The following MBD5 variants were observed in gnomAD, a reference collection of about 807,000 sequenced individuals.
MBD5 encodes methyl-CpG binding domain protein 5, also known as methyl-CpG-binding domain protein 5.
A neutral mutation model predicts 117.3 loss-of-function variants in MBD5; 13 were observed. The ratio of observed to expected loss-of-function variants is 0.11; its 90% CI spans 0.07 to 0.18. The LOEUF is 0.18. MBD5 is among the 10% of genes least tolerant of loss of function. MBD5 has a pLI of 1.00. For missense variants in MBD5, 1,879 were observed against 2,093.8 expected, an observed-to-expected ratio of 0.90 and a Z score of 2.00; for synonymous variants, 727 against 766.4, an observed-to-expected ratio of 0.95 and a Z score of 0.85.
At chr2:148,331,855 G>C (rs1239326973) in intron 3 of MBD5, among the ~76,000 whole-genome samples, 1 of 151,914 alleles carries the variant, frequency 6.6e-6, no homozygotes, top group Non-Finnish European at 1.5e-5. Flanking sequence ...TTACTTCTTA[G>C]TAAAAATAAT....
chr2:148,163,393 A>G (rs570489842), intron 1 of MBD5, among the ~76,000 whole-genome samples: 26 of 152,224 alleles, frequency 1.7e-4, no homozygotes, highest in African/African-American at 5.1e-4. Context: ...ATCAGAGCAT[A>G]CTATCCATAA....
At chr2:148,388,596 C>T (rs547361140) in intron 4 of MBD5, among the ~76,000 whole-genome samples, 38 of 152,192 alleles carry the variant, frequency 2.5e-4, no homozygotes, top group African/African-American at 9.1e-4. Context: ...GCTTAAACAA[C>T]AAATATTTTA....
intron 4 of MBD5, chr2:148,346,256 AT>A: frequency 6.6e-6 from 1 of 152,288 alleles, no homozygotes; most frequent in African/African-American, 2.4e-5. Flanking sequence ...TAAAAGGGAA[AT>A]TTTTTAAATG....
At chr2:148,066,533 C>T (rs1695200325) in intron 1 of MBD5, among the ~76,000 whole-genome samples, 1 of 149,158 alleles carries the variant, frequency 6.7e-6, no homozygotes, top group African/African-American at 2.5e-5. Flanking sequence ...GTCACCCAGG[C>T]TGGAGTGCAA....
Position 148,469,542 on chromosome 2 carries a change from A to T in MBD5, c.1599A>T (p.Leu533=). The change falls in exon 8 of 14, where the codon CTA becomes CTT. Residue 533 remains leucine (L), a synonymous_variant. Coordinates refer to ENST00000642680, the MANE Select transcript of MBD5 (RefSeq NM_001378120.1). ...TAATTGCTGGAATAAGTAATGTACT[A>T]AATACCCCAAGCAGTGCAGCTTTTC... ...NPLIAGISNV[L]NTPSSAAFPT... The T allele has an allele frequency of 1.9e-6, 3 of 1,613,834 alleles. No homozygotes were observed. Among genetic ancestry groups the T allele is most frequent in the Middle Eastern group, 3.3e-4 (2 of 6,058 alleles).
intron 1 of MBD5, among the ~76,000 whole-genome samples, chr2:148,153,312 G>A (rs1412111631): frequency 3.3e-5 from 5 of 152,230 alleles, no homozygotes; most frequent in Admixed American, 2.6e-4. Flanking sequence ...GAGATCCACT[G>A]TTAGTCTGAT....
chr2:148,259,229 G>A (rs1700673802), intron 3 of MBD5, among the ~76,000 whole-genome samples: 1 of 152,118 alleles, frequency 6.6e-6, no homozygotes, highest in Non-Finnish European at 1.5e-5. Context: ...TGTGCCAACT[G>A]CCCGCTCACC....
intron 12 of MBD5, among the ~76,000 whole-genome samples, chr2:148,507,937 T>C (rs1682092328): frequency 6.6e-6 from 1 of 152,188 alleles, no homozygotes; most frequent in Non-Finnish European, 1.5e-5. Flanking sequence ...TCCTAAGATA[T>C]TTTAATCAAA....
At chr2:148,056,142 T>C (rs1694856735) in intron 1 of MBD5, 1 of 152,094 alleles carries the variant, frequency 6.6e-6, no homozygotes. Flanking sequence ...ATTCATTTTC[T>C]ACCTCTTGCT....
intron 4 of MBD5, among the ~76,000 whole-genome samples, chr2:148,399,284 A>G (rs1453729794): frequency 1.3e-5 from 2 of 152,164 alleles, no homozygotes; most frequent in African/African-American, 2.4e-5. Flanking sequence ...CCTATCCATG[A>G]GCATGGAATG....
In MBD5 at chr2:148,356,300, A is replaced by G. The variant is rs1370162542; in HGVS notation, c.-557+13964A>G. On this transcript the variant is annotated intron_variant, in intron 4 of 13. Transcript: ENST00000642680. ...TGATCAGTAGGGCCTCCCTTGCCAT[A>G]CTTATTTTAAATAGCAACTTCCCAT... Among the ~76,000 whole-genome samples the G allele has an allele frequency of 4.6e-5, 7 of 152,182 alleles. No individual in the cohort carries two copies. The South Asian group carries it at 1.2e-3, about 27-fold the overall frequency.
In MBD5 at chr2:148,512,997, C is replaced by G. The variant is rs879253687; in HGVS notation, c.*56C>G. 1.0e-4 allele frequency: 152 copies of G among 1,476,716 alleles called. 1 individual carries two copies. The South Asian group carries it at 1.5e-3, about 14-fold the overall frequency. 91.5% of individuals were successfully genotyped at this position (1,476,716 alleles called of 1,614,324 possible). On this transcript the variant is annotated 3_prime_UTR_variant, in exon 14 of 14. Transcript: ENST00000642680. ...ATTAAAGGAACATGCACAGATGTAT[C>G]TGTATATAGGTATTGATATAGCCAC... is the stretch of plus-strand genomic sequence containing the variant.
chr2:148,060,025 C>T (rs1694983501), intron 1 of MBD5, among the ~76,000 whole-genome samples: 2 of 146,470 alleles, frequency 1.4e-5, no homozygotes, highest in South Asian at 4.4e-4. Context: ...GTGGCTTATG[C>T]CTGTAATCCC....
chr2:148,025,979 G>A (rs1276278936), intron 1 of MBD5: 1 of 152,070 alleles, frequency 6.6e-6, no homozygotes, highest in African/African-American at 2.4e-5. Flanking sequence ...ATGTGTAATC[G>A]AAAAGTATAT....
At chr2:148,464,801 T>TAAA (rs149132860) in intron 7 of MBD5, among the ~76,000 whole-genome samples, 3,023 of 141,280 alleles carry the variant, frequency 0.021, 84 homozygotes, top group Non-Finnish European at 0.03. Flanking sequence ...CTAAAATAAT[T>TAAA]TAAAAAAAAA....
chr2:148,044,004 A>G (rs1000680447), intron 1 of MBD5, among the ~76,000 whole-genome samples: 3 of 152,200 alleles, frequency 2.0e-5, no homozygotes, highest in Non-Finnish European at 4.4e-5. Flanking sequence ...AGCATGACTT[A>G]CAGAATTAAA....
chr2:148,133,116 T>C (rs891334831), intron 1 of MBD5, among the ~76,000 whole-genome samples: 2 of 152,202 alleles, frequency 1.3e-5, no homozygotes, highest in South Asian at 4.1e-4. Flanking sequence ...AAATTTACGG[T>C]TCATGTGTCA....
At chr2:148,109,651 T>C (rs1377246510) in intron 1 of MBD5, among the ~76,000 whole-genome samples, 2 of 152,158 alleles carry the variant, frequency 1.3e-5, no homozygotes, top group African/African-American at 4.8e-5. Flanking sequence ...GCTCATCAAA[T>C]TGTGTACATT....
At chr2:148,165,919 T>C (rs1698117014) in intron 1 of MBD5, among the ~76,000 whole-genome samples, 1 of 152,198 alleles carries the variant, frequency 6.6e-6, no homozygotes. Context: ...TGAATAGTTA[T>C]TTTTCTGCAT....
Sources: gnomAD v4.1 joint callset for allele counts (sites outside exome capture counted in the v4.1 genomes callset) on GRCh38, gnomAD v4.1.1 for gene constraint, MANE v1.5 for transcripts, NCBI Gene and HGNC (gene_info 2026-07-23, HGNC 2026-07-21) for gene names.